The following SLC7A13 variants were observed in gnomAD, a reference collection of about 807,000 sequenced individuals.
SLC7A13 encodes solute carrier family 7 member 13.
In SLC7A13, 31 loss-of-function variants were observed where a neutral mutation model predicts 32.0. The ratio of observed to expected loss-of-function variants is 0.97; its 90% CI spans 0.73 to 1.31. The LOEUF (loss-of-function observed/expected upper bound fraction) is 1.31, where lower values mean the gene tolerates loss of function less well. Among genes scored for constraint, SLC7A13 ranks in the 50% most tolerant of loss-of-function variants. SLC7A13 has a pLI of 0.00. For missense variants in SLC7A13, 633 were observed against 546.9 expected (o/e 1.16, Z -1.57); for synonymous variants, 232 against 206.9 (o/e 1.12, Z -1.04).
intron 2 of SLC7A13, among the ~76,000 whole-genome samples, 198 bp downstream of exon 2, chr8:86,222,774 A>C (rs1208171789): frequency 6.6e-6 from 1 of 152,224 alleles, no homozygotes; most frequent in Non-Finnish European, 1.5e-5. Context: ...TATTATTAGA[A>C]AAGGCATAAC....
Position 86,214,409 on chromosome 8 carries a change from A to C in SLC7A13, c.*4T>G, listed in dbSNP as rs1563587046. The stretch of plus-strand genomic sequence containing the variant: ...AATTTTTTAAGAGTTTGCACTTCCG[A>C]CATCTATTCCTCAGACACATCAGGG... On this transcript the variant is annotated 3_prime_UTR_variant, in exon 4 of 4. Transcript: ENST00000297524. 2.6e-6 allele frequency: 3 copies of C among 1,153,260 alleles called. No homozygotes were observed. In the East Asian group the frequency reaches 1.4e-4, roughly 56 times the overall value. The allele number at this position is 1,153,260 out of a possible 1,614,324, so 71.4% of individuals were successfully genotyped here.
At chr8:86,218,986 C>T (rs1482643518) in intron 2 of SLC7A13, among the ~76,000 whole-genome samples, 4 of 152,140 alleles carry the variant, frequency 2.6e-5, no homozygotes, top group Admixed American at 1.3e-4. Context: ...TTCCCAAATG[C>T]GACAAAATTA....
At chr8:86,219,057 G>A (rs16900166) in intron 2 of SLC7A13, among the ~76,000 whole-genome samples, 20,694 of 151,948 alleles carry the variant, frequency 0.14, 1,684 homozygotes, top group Admixed American at 0.21. Context: ...TTTTTAAATA[G>A]CCTCAACTGC....
At chr8:86,226,781 C>T (rs545968359) in intron 1 of SLC7A13, among the ~76,000 whole-genome samples, 5 of 152,118 alleles carry the variant, frequency 3.3e-5, no homozygotes, top group Non-Finnish European at 7.4e-5. Flanking sequence ...AGGTTGCATG[C>T]CTTGTCTTAT....
At position 86,230,035 on chromosome 8, in the gene SLC7A13, G is replaced by C. The variant is rs746614001; in HGVS notation, c.243C>G (p.Tyr81Ter). 4 of 1,614,118 alleles carry C rather than the reference G, an allele frequency of 2.5e-6. No individual in the cohort carries two copies. The highest frequency in any genetic ancestry group is 1.7e-5 in the Admixed American group (1 of 60,006). Residue 81 changes from tyrosine (Y) to a stop codon, truncating the protein, a stop_gained, in exon 1 of 4, where the codon TAC becomes TAG. Transcript: ENST00000297524. LOFTEE classifies it high-confidence loss of function. Reference sequence around the variant, plus strand: ...AGCCAAAGTATCTCTTGAGAAAATAGTATTGAGCTCCACTGCATGGGAAGC... The same window carrying C: ...AGCCAAAGTATCTCTTGAGAAAATACTATTGAGCTCCACTGCATGGGAAGC... ...SISFPCSGAQYYFLKRYFGST... is the reference protein window; with the variant it reads ...SISFPCSGAQ
chr8:86,217,251 T>C (rs1426130530), intron 3 of SLC7A13, among the ~76,000 whole-genome samples: 1 of 152,168 alleles, frequency 6.6e-6, no homozygotes, highest in Non-Finnish European at 1.5e-5. Flanking sequence ...ACTATTTTTC[T>C]CTCTAATAAA....
At chr8:86,229,224 C>T (rs1031305318) in intron 1 of SLC7A13, among the ~76,000 whole-genome samples, 7 of 151,416 alleles carry the variant, frequency 4.6e-5, no homozygotes, top group African/African-American at 1.7e-4. Flanking sequence ...TACCTACCTA[C>T]AACACAAACA....
chr8:86,215,439 A>G (rs6995895), intron 3 of SLC7A13: 197,971 of 198,018 alleles, frequency 1, 98,983 homozygotes, highest in Middle Eastern at 1. Context: ...TATAATCCCA[A>G]CACTTTGTGA....
chr8:86,222,338 C>T (rs954849089), intron 2 of SLC7A13, among the ~76,000 whole-genome samples: 7 of 151,986 alleles, frequency 4.6e-5, no homozygotes, highest in South Asian at 2.1e-4. Flanking sequence ...TCTTTTTATT[C>T]GTTGATCTGT....
Position 86,229,673 on chromosome 8 carries a change from G to A in SLC7A13, c.605C>T (p.Pro202Leu). 6.2e-7 allele frequency: 1 copy of A among 1,614,104 alleles called. No homozygotes were observed. The highest frequency in any genetic ancestry group is 8.5e-7 in the Non-Finnish European group (1 of 1,180,010). ...GGCTTGTATAAGGTGAGAGATATCTGGAAGTTCAGCATCAAAAGCATTCTG... is the reference window on the plus strand; with the variant it reads ...GGCTTGTATAAGGTGAGAGATATCTAGAAGTTCAGCATCAAAAGCATTCTG... Reference protein sequence around the residue: ...RFQNAFDAELPDISHLIQAIF... With the variant: ...RFQNAFDAELLDISHLIQAIF... Residue 202 changes from proline to leucine, a missense_variant, in exon 1 of 4, where the codon CCA (proline) becomes CTA (leucine). By Grantham distance (98) the Pro-to-Leu change is moderately conservative (BLOSUM62 -3). Transcript: ENST00000297524.
Position 86,228,706 on chromosome 8 carries a change from C to T in SLC7A13, c.685+887G>A, listed in dbSNP as rs568447695. On this transcript the variant is annotated intron_variant, in intron 1 of 3. Transcript: ENST00000297524. ...ACCAAAAATGCAAAAATAAGCCAGG[C>T]ATCGTGGTGCACACGTGTAGTCCCA... 2.0e-5 allele frequency among the ~76,000 whole-genome samples: 3 copies of T among 151,976 alleles called. 1 individual carries two copies. In the South Asian group the frequency reaches 6.2e-4, roughly 32 times the overall value.
In SLC7A13 at chr8:86,217,784, A is replaced by C. The variant is rs1405103081; in HGVS notation, c.865T>G (p.Trp289Gly). ...WADRAFPSLA[W>G]IMPFAISTSL... The stretch of plus-strand genomic sequence containing the variant: ...GTAGAAATAGCAAAAGGCATAATCC[A>C]TGCTAATGAGGGAAAAGCTCGATCA... The change falls in exon 3 of 4, where the codon TGG becomes GGG. Residue 289 changes from tryptophan to glycine, a missense_variant. Trp to Gly is a radical substitution (Grantham distance 184, BLOSUM62 -2). Coordinates refer to ENST00000297524, the MANE Select transcript of SLC7A13 (RefSeq NM_138817.3). The C allele has an allele frequency of 1.9e-6, 3 of 1,607,338 alleles. No individual in the cohort carries two copies. In the Admixed American group the frequency reaches 5.1e-5, roughly 27 times the overall value.
intron 2 of SLC7A13, among the ~76,000 whole-genome samples, chr8:86,220,846 T>C (rs914148129): frequency 1.3e-5 from 2 of 151,840 alleles, no homozygotes; most frequent in Admixed American, 6.6e-5. Flanking sequence ...ATACAAAAAT[T>C]AGCCAGGTGT....
rs988718549 is a variant in SLC7A13 at position 86,230,230 on chromosome 8, C to G, written c.48G>C (p.Trp16Cys). 1.2e-6 allele frequency: 2 copies of G among 1,612,872 alleles called. No homozygotes were observed. The highest frequency in any genetic ancestry group is 3.3e-5 in the Admixed American group (2 of 59,884). The change falls in exon 1 of 4, where the codon TGG becomes TGC. Residue 16 changes from tryptophan to cysteine, a missense_variant. By Grantham distance (215) the Trp-to-Cys change is radical. Transcript: ENST00000297524. Reference sequence around the variant, plus strand: ...TAATAAGCAAAAAACTTGTGCCCCACCAATATCCAAACACTCTCTTGAGCT... The same window carrying G: ...TAATAAGCAAAAAACTTGTGCCCCAGCAATATCCAAACACTCTCTTGAGCT... ...KIQLKRVFGY[W>C]WGTSFLLINI...
intron 1 of SLC7A13, among the ~76,000 whole-genome samples, chr8:86,223,648 A>G (rs1820341565): frequency 6.6e-6 from 1 of 152,012 alleles, no homozygotes; most frequent in Non-Finnish European, 1.5e-5. Flanking sequence ...TTGTAGTTCT[A>G]TTTTTAATTC....
intron 1 of SLC7A13, among the ~76,000 whole-genome samples, chr8:86,224,707 G>A (rs919440730): frequency 2.0e-5 from 3 of 152,230 alleles, no homozygotes; most frequent in African/African-American, 7.2e-5. Context: ...GCCCTGCCCA[G>A]TGGAAAGGAA....
chr8:86,229,519 C>T lies in SLC7A13; in HGVS notation c.685+74G>A, dbSNP rs1820444963. On this transcript the variant is annotated intron_variant, in intron 1 of 3. Transcript: ENST00000297524. ...ATTAAATCATTTAAGACTCAAAATACAACAAATGATATGCATTTCATATTG... is the reference window on the plus strand; with the variant it reads ...ATTAAATCATTTAAGACTCAAAATATAACAAATGATATGCATTTCATATTG... The T allele has an allele frequency of 3.1e-6, 4 of 1,284,992 alleles. No homozygotes were observed. The South Asian group carries it at 5.7e-5, about 18-fold the overall frequency. 79.6% of individuals were successfully genotyped at this position (1,284,992 alleles called of 1,614,324 possible).
At chr8:86,227,769 A>G (rs1820412820) in intron 1 of SLC7A13, among the ~76,000 whole-genome samples, 1 of 152,200 alleles carries the variant, frequency 6.6e-6, no homozygotes, top group Non-Finnish European at 1.5e-5. Flanking sequence ...AAAAAGAATG[A>G]GATCATGTCT....
chr8:86,218,237 T>C (rs1015990399), intron 2 of SLC7A13, among the ~76,000 whole-genome samples: 1 of 152,204 alleles, frequency 6.6e-6, no homozygotes, highest in Admixed American at 6.6e-5. Flanking sequence ...GTTTATAGAG[T>C]CCTGATAGTT....
Sources: gnomAD v4.1 joint callset for allele counts (sites outside exome capture counted in the v4.1 genomes callset) on GRCh38, gnomAD v4.1.1 for gene constraint, MANE v1.5 for transcripts, NCBI Gene and HGNC (gene_info 2026-07-23, HGNC 2026-07-21) for gene names.